PRRC2C: variants seen among roughly 807,000 people sequenced by gnomAD.
PRRC2C encodes protein PRRC2C.
A neutral mutation model predicts 317.2 loss-of-function variants in PRRC2C; 72 were observed. That is an observed-to-expected ratio of 0.23 (90% CI 0.19 to 0.28). The LOEUF (loss-of-function observed/expected upper bound fraction) is 0.28, where lower values mean the gene tolerates loss of function less well. PRRC2C is among the 10% of genes least tolerant of loss of function. PRRC2C has a pLI of 1.00. For missense variants in PRRC2C, 3,074 were observed against 3,459.7 expected (o/e 0.89, Z 2.80); for synonymous variants, 1,296 against 1,205.9 (o/e 1.07, Z -1.55).
In PRRC2C at chr1:171,493,144, A is replaced by G. The variant is rs540793643; in HGVS notation, c.-58+7409A>G. Among the ~76,000 whole-genome samples the G allele has an allele frequency of 1.3e-3, 199 of 152,294 alleles. 10 individuals carry two copies. The South Asian group carries it at 0.034, about 26-fold the overall frequency. On this transcript the variant is annotated intron_variant, in intron 1 of 34. Coordinates refer to ENST00000647382, the MANE Select transcript of PRRC2C (RefSeq NM_001387844.1). Reference sequence around the variant, plus strand: ...AGACTGGATATTTCAGTGGTAGAAGAAGAGGGCCAATGATACGGAGGGATG... The same window carrying G: ...AGACTGGATATTTCAGTGGTAGAAGGAGAGGGCCAATGATACGGAGGGATG...
At chr1:171,556,371 G>A (rs949978702) in intron 18 of PRRC2C, among the ~76,000 whole-genome samples, 9 of 152,186 alleles carry the variant, frequency 5.9e-5, no homozygotes, top group African/African-American at 2.2e-4. Flanking sequence ...CCCACCCCTT[G>A]TGCTTCCTGG....
chr1:171,546,943 T>C (rs974077198), intron 17 of PRRC2C, among the ~76,000 whole-genome samples: 5 of 151,396 alleles, frequency 3.3e-5, no homozygotes, highest in African/African-American at 1.2e-4. Context: ...TAAGACATAA[T>C]AGGCCCAGGG....
intron 19 of PRRC2C, among the ~76,000 whole-genome samples, chr1:171,558,851 A>G (rs1681987359): frequency 1.3e-5 from 2 of 152,374 alleles, no homozygotes; most frequent in Admixed American, 1.3e-4. Flanking sequence ...GACTAAGCTT[A>G]TTGAAGAAGG....
At chr1:171,502,966 G>A (rs1003979156) in intron 1 of PRRC2C, among the ~76,000 whole-genome samples, 41 of 152,070 alleles carry the variant, frequency 2.7e-4, no homozygotes, top group African/African-American at 9.7e-4. Flanking sequence ...CAAATGATTC[G>A]CCTGCCTTGG....
intron 34 of PRRC2C, among the ~76,000 whole-genome samples, chr1:171,590,561 T>C (rs2102906677): frequency 6.6e-6 from 1 of 152,338 alleles, no homozygotes; most frequent in Non-Finnish European, 1.5e-5. Context: ...ATGATAATCC[T>C]ATTAGAAAAT....
At chr1:171,549,374 A>C (rs1402368916) in intron 17 of PRRC2C, among the ~76,000 whole-genome samples, 1 of 152,218 alleles carries the variant, frequency 6.6e-6, no homozygotes, top group Non-Finnish European at 1.5e-5. Context: ...AATAATAGTA[A>C]CAGCCACCTC....
At chr1:171,537,544 G>C (rs979741602) in intron 15 of PRRC2C, 71 bp downstream of exon 15, 1 of 1,334,580 alleles carries the variant, frequency 7.5e-7, no homozygotes, top group South Asian at 1.4e-5. Context: ...TAGTGTTTCT[G>C]AAGATCATTC....
At chr1:171,523,900 G>A (rs1321050078) in intron 9 of PRRC2C, among the ~76,000 whole-genome samples, 1 of 152,084 alleles carries the variant, frequency 6.6e-6, no homozygotes, top group Non-Finnish European at 1.5e-5. Flanking sequence ...TCCAGGCGTG[G>A]TGGTGCATGC....
intron 19 of PRRC2C, among the ~76,000 whole-genome samples, chr1:171,559,192 T>A (rs1012900356): frequency 2.6e-5 from 4 of 152,154 alleles, no homozygotes; most frequent in Non-Finnish European, 4.4e-5. Flanking sequence ...GATCCAAAAC[T>A]GAGATAATGG....
Position 171,564,916 on chromosome 1 carries a change from C to G in PRRC2C, c.6118-1317C>G, listed in dbSNP as rs137875740. 1.1e-3 allele frequency among the ~76,000 whole-genome samples: 163 copies of G among 152,262 alleles called. 1 individual carries two copies. The highest frequency in any genetic ancestry group is 3.7e-3 in the African/African-American group (154 of 41,546). On this transcript the variant is annotated intron_variant, in intron 20 of 34. Coordinates refer to ENST00000647382, the MANE Select transcript of PRRC2C (RefSeq NM_001387844.1). ...CTGAATTGCATGCGTTGTTCATACT[C>G]TTGACATTATATCCGGGTAGATATA...
chr1:171,506,685 C>CTT (rs1553206660), intron 1 of PRRC2C, among the ~76,000 whole-genome samples: 1 of 57,318 alleles, frequency 1.7e-5, no homozygotes, highest in African/African-American at 6.4e-5. Context: ...TATTTTTTTT[C>CTT]TTTGTGTGTG....
chr1:171,593,504 A>T lies in PRRC2C; in HGVS notation c.*1657A>T, dbSNP rs1651809159. On this transcript the variant is annotated 3_prime_UTR_variant, in exon 35 of 35. Coordinates refer to ENST00000647382, the MANE Select transcript of PRRC2C (RefSeq NM_001387844.1). Reference sequence around the variant, plus strand: ...ACAGAAACTAATAAAGTATTCTCTAAATAATGATTCTTGGAGCTTATAATC... The same window carrying T: ...ACAGAAACTAATAAAGTATTCTCTATATAATGATTCTTGGAGCTTATAATC... 1 of 152,118 alleles carries T rather than the reference A, an allele frequency of 6.6e-6. No individual in the cohort carries two copies. Among genetic ancestry groups the T allele is most frequent in the Non-Finnish European group, 1.5e-5 (1 of 68,044 alleles). The allele number at this position is 152,118 out of a possible 1,614,324, so 9.4% of individuals were successfully genotyped here.
chr1:171,516,697 G>C (rs181881807), intron 5 of PRRC2C, among the ~76,000 whole-genome samples: 1 of 152,300 alleles, frequency 6.6e-6, no homozygotes, highest in African/African-American at 2.4e-5. Context: ...TCCAGGGTCA[G>C]CTTAGTTTGA....
chr1:171,556,088 A>G (rs1446021878), intron 18 of PRRC2C, among the ~76,000 whole-genome samples: 1 of 152,090 alleles, frequency 6.6e-6, no homozygotes, highest in Non-Finnish European at 1.5e-5. Context: ...CCGCAGTTCA[A>G]GCTTCCCAGT....
In PRRC2C at chr1:171,499,190, C is replaced by T. The variant is rs145148766; in HGVS notation, c.-57-12842C>T. ...ATTTGCTTTTCAAACCTTTTCCAGC[C>T]TCCTCAAATTTCTAAATTCTGCCTC... On this transcript the variant is annotated intron_variant, in intron 1 of 34. Transcript: ENST00000647382. 4.0e-3 allele frequency among the ~76,000 whole-genome samples: 602 copies of T among 152,280 alleles called. 2 individuals carry two copies. The highest frequency in any genetic ancestry group is 0.014 in the African/African-American group (580 of 41,554).
intron 1 of PRRC2C, chr1:171,510,790 G>A (rs1393181812): frequency 6.6e-6 from 1 of 152,150 alleles, no homozygotes; most frequent in Non-Finnish European, 1.5e-5. Flanking sequence ...GCAGCATAGT[G>A]TAATGGATTG....
At position 171,527,826 on chromosome 1, in the gene PRRC2C, A is replaced by G. The variant is rs1674936703; in HGVS notation, c.1236A>G (p.Pro412=). 1.3e-6 allele frequency: 2 copies of G among 1,583,664 alleles called. No homozygotes were observed. Among genetic ancestry groups the G allele is most frequent in the Non-Finnish European group, 1.7e-6 (2 of 1,163,126 alleles). ...RGTSSHLPPP[P]KLLAQQHPPP... ...CATCTTCACATCTGCCACCACCTCC[A>G]AAGTTGCTTGCACAGCAGGTAAATT... Residue 412 remains proline (P), a synonymous_variant, in exon 11 of 35, where the codon CCA becomes CCG. Coordinates refer to ENST00000647382, the MANE Select transcript of PRRC2C (RefSeq NM_001387844.1).
At position 171,496,199 on chromosome 1, in the gene PRRC2C, C is replaced by CTTTTTTTTTTTTTTTTT. The variant is rs528654548; in HGVS notation, c.-58+10472_-58+10488dup. Reference sequence around the variant, plus strand: ...ATTTTTAGAGCTTTGATTTTTGTGCCTTTTTTTTTTTTTTTTTTTTTTTTG... The same window carrying CTTTTTTTTTTTTTTTTT: ...ATTTTTAGAGCTTTGATTTTTGTGCCTTTTTTTTTTTTTTTTTTTTTTTTTTTTTTTTTTTTTTTTTG... On this transcript the variant is annotated intron_variant, in intron 1 of 34. Transcript: ENST00000647382. Among the ~76,000 whole-genome samples, 43 of 75,652 alleles carry CTTTTTTTTTTTTTTTTT rather than the reference C, an allele frequency of 5.7e-4. 4 individuals carry two copies. The highest frequency in any genetic ancestry group is 1.2e-3 in the South Asian group (2 of 1,732). 49.6% of individuals were successfully genotyped at this position (75,652 alleles called of 152,430 possible).
intron 20 of PRRC2C, among the ~76,000 whole-genome samples, chr1:171,564,502 T>G (rs1021761274): frequency 1.3e-5 from 2 of 152,242 alleles, no homozygotes; most frequent in African/African-American, 4.8e-5. Flanking sequence ...ACTGTAGAAT[T>G]TCAACATTGA....
Sources: allele counts gnomAD v4.1 joint callset (sites outside exome capture counted in the v4.1 genomes callset), GRCh38; gene constraint gnomAD v4.1.1; transcripts MANE v1.5; gene names NCBI Gene and HGNC (gene_info 2026-07-23, HGNC 2026-07-21).